DPY19L2: variants seen among roughly 807,000 people sequenced by gnomAD.
DPY19L2 encodes probable C-mannosyltransferase DPY19L2.
In DPY19L2, 34 loss-of-function variants were observed where a neutral mutation model predicts 97.9. The ratio of observed to expected loss-of-function variants is 0.35; its 90% CI spans 0.26 to 0.46. The LOEUF is 0.46. DPY19L2 is among the 20% of genes least tolerant of loss of function. The pLI, the probability that DPY19L2 is intolerant of heterozygous loss-of-function variation, is 1.00. For synonymous variants in DPY19L2, 230 were observed against 307.9 expected (o/e 0.75, Z 2.65); for missense variants, 623 against 911.4 (o/e 0.68, Z 4.07).
chr12:63,665,896 G>A lies in DPY19L2; in HGVS notation c.338-37C>T, dbSNP rs188077004. On this transcript the variant is annotated intron_variant, in intron 1 of 21. Coordinates refer to ENST00000324472, the MANE Select transcript of DPY19L2 (RefSeq NM_173812.5). ...AAAAAAAGGAAAGTCATTAATAGCT[G>A]CTTTATTATAAAATACCATTAAAAC... The A allele has an allele frequency of 6.0e-3, 9,179 of 1,533,380 alleles. 45 individuals carry two copies. The highest frequency in any genetic ancestry group is 7.2e-3 in the Non-Finnish European group (8,153 of 1,126,482). The allele number at this position is 1,533,380 out of a possible 1,614,324, so 95.0% of individuals were successfully genotyped here. A position where few individuals can be genotyped will look rare whatever the true frequency, so the allele number is the denominator to read the frequency against.
intron 4 of DPY19L2, among the ~76,000 whole-genome samples, chr12:63,658,023 G>C (rs1341565868): frequency 6.6e-6 from 1 of 152,102 alleles, no homozygotes; most frequent in Non-Finnish European, 1.5e-5. Context: ...TTCAAGAAAA[G>C]GTGTTATATT....
chr12:63,583,989 T>C lies in DPY19L2; in HGVS notation c.1581-153A>G, dbSNP rs182706632. 1.7e-5 allele frequency: 10 copies of C among 580,496 alleles called. No individual in the cohort carries two copies. The Admixed American group carries it at 2.3e-4, about 14-fold the overall frequency. The allele number at this position is 580,496 out of a possible 1,614,324, so 36.0% of individuals were successfully genotyped here. ...ACATAAAAATAAAAATATCAGATAA[T>C]AGTACAAAAATTACAACAATTTAAA... On this transcript the variant is annotated intron_variant, in intron 16 of 21. Transcript: ENST00000324472.
chr12:63,643,420 T>C (rs1892977133), intron 6 of DPY19L2, among the ~76,000 whole-genome samples: 1 of 152,160 alleles, frequency 6.6e-6, no homozygotes, highest in Non-Finnish European at 1.5e-5. Context: ...GAAAACTCAA[T>C]AAATATTTGT....
intron 12 of DPY19L2, among the ~76,000 whole-genome samples, chr12:63,602,205 A>G (rs1418232975): frequency 1.3e-5 from 2 of 152,094 alleles, no homozygotes; most frequent in Non-Finnish European, 2.9e-5. Context: ...TGGGGAAAAA[A>G]GCAGAAAGAA....
chr12:63,657,472 G>A (rs1407698241), intron 4 of DPY19L2, among the ~76,000 whole-genome samples: 6 of 152,146 alleles, frequency 3.9e-5, no homozygotes, highest in Non-Finnish European at 1.5e-5. Flanking sequence ...CTCAGTCTTA[G>A]ACAGGTACTG....
At chr12:63,588,742 TTTC>T (rs1285064594) in intron 16 of DPY19L2, among the ~76,000 whole-genome samples, 2 of 133,734 alleles carry the variant, frequency 1.5e-5, no homozygotes, top group Middle Eastern at 3.8e-3. Flanking sequence ...AAAAGGAAAC[TTTC>T]TTTTTTTTTT....
intron 15 of DPY19L2, among the ~76,000 whole-genome samples, chr12:63,594,464 A>AGAGTGTGTGTGTGTGTGT (rs1555189197): frequency 0.034 from 4,285 of 124,698 alleles, 230 homozygotes; most frequent in Middle Eastern, 0.055. Flanking sequence ...AGAGAGAGAT[A>AGAGTGTGTGTGTGTGTGT]GTGTGTGTGT....
chr12:63,589,828 A>G (rs1882570192), intron 16 of DPY19L2, among the ~76,000 whole-genome samples: 1 of 152,224 alleles, frequency 6.6e-6, no homozygotes, highest in East Asian at 1.9e-4. Context: ...TCTATGGAAA[A>G]AGCAAAAACA....
At chr12:63,617,464 G>A in intron 10 of DPY19L2, 74 bp from the exon 11 acceptor site, 2 of 967,658 alleles carry the variant, frequency 2.1e-6, no homozygotes, top group East Asian at 5.5e-5. Context: ...TAGGTATATA[G>A]CCATTTCTAA....
chr12:63,595,998 C>T lies in DPY19L2; in HGVS notation c.1501G>A (p.Val501Ile), dbSNP rs967857501. The part of the protein sequence containing the change: ...RYTKTLLLPV[V>I]MVITCFIFKK... Reference sequence around the variant, plus strand: ...AAGATAAAACATGTAATCACCATAACAACTGGAAGCAATAATGTCTTTGTG... The same window carrying T: ...AAGATAAAACATGTAATCACCATAATAACTGGAAGCAATAATGTCTTTGTG... The change falls in exon 15 of 22, where the codon GTT becomes ATT. Residue 501 changes from valine to isoleucine, a missense_variant. Around this residue, in one of 6 missense-constraint regions of DPY19L2, gnomAD observed 294 missense variants for 446.2 expected, o/e 0.66. Coordinates refer to ENST00000324472, the MANE Select transcript of DPY19L2 (RefSeq NM_173812.5). The T allele has an allele frequency of 8.1e-6, 13 of 1,599,120 alleles. No homozygotes were observed. The highest frequency in any genetic ancestry group is 1.1e-5 in the Non-Finnish European group (13 of 1,173,074).
chr12:63,588,452 A>G (rs1434301114), intron 16 of DPY19L2, among the ~76,000 whole-genome samples: 1 of 152,226 alleles, frequency 6.6e-6, no homozygotes, highest in African/African-American at 2.4e-5. Flanking sequence ...GAGATCGACT[A>G]TAGAATGTTA....
intron 4 of DPY19L2, among the ~76,000 whole-genome samples, chr12:63,651,317 A>C (rs1208211333): frequency 6.6e-6 from 1 of 152,136 alleles, no homozygotes; most frequent in Non-Finnish European, 1.5e-5. Flanking sequence ...GAAAACAGAA[A>C]ATATCATTCT....
chr12:63,615,793 T>A (rs1887725265), intron 11 of DPY19L2, among the ~76,000 whole-genome samples: 2 of 152,174 alleles, frequency 1.3e-5, no homozygotes, highest in South Asian at 4.1e-4. Flanking sequence ...TGGAGGCTTC[T>A]ACACTCATTT....
Position 63,595,863 on chromosome 12 carries a change from G to C in DPY19L2, c.1533+103C>G, listed in dbSNP as rs1027721801. 1.3e-5 allele frequency: 14 copies of C among 1,078,390 alleles called. No individual in the cohort carries two copies. The African/African-American group carries it at 1.6e-4, about 13-fold the overall frequency. The allele number at this position is 1,078,390 out of a possible 1,614,324, so 66.8% of individuals were successfully genotyped here. ...TAAATAAAAAGCAAACTTTTAGAGA[G>C]AGAAAGAGTTCATCCTAAAAATAAC... is the stretch of plus-strand genomic sequence containing the variant. On this transcript the variant is annotated intron_variant, in intron 15 of 21. Coordinates refer to ENST00000324472, the MANE Select transcript of DPY19L2 (RefSeq NM_173812.5).
At chr12:63,659,563 C>T (rs1228714623) in intron 4 of DPY19L2, among the ~76,000 whole-genome samples, 1 of 151,800 alleles carries the variant, frequency 6.6e-6, no homozygotes, top group Non-Finnish European at 1.5e-5. Context: ...GAACTATCTA[C>T]TTTCAAGATT....
chr12:63,638,802 C>G (rs1011092368), intron 6 of DPY19L2, among the ~76,000 whole-genome samples: 11 of 152,066 alleles, frequency 7.2e-5, no homozygotes, highest in Non-Finnish European at 1.3e-4. Flanking sequence ...AGATTCAATG[C>G]CATCCCCATC....
rs1893112710 is a variant in DPY19L2, at chr12:63,644,390, G to T, written c.803+13C>A. ...GCCCACTGAAAGGTCTCTTAATTCA[G>T]TAGTAGTCTTACCTCAGGTATGCTC... On this transcript the variant is annotated intron_variant, in intron 6 of 21. Transcript: ENST00000324472. The T allele has an allele frequency of 6.2e-7, 1 of 1,600,154 alleles. No individual in the cohort carries two copies. The highest frequency in any genetic ancestry group is 1.3e-5 in the African/African-American group (1 of 74,088).
Position 63,570,747 on chromosome 12 carries a change from C to T in DPY19L2, c.2000+11G>A. On this transcript the variant is annotated intron_variant, in intron 20 of 21. Coordinates refer to ENST00000324472, the MANE Select transcript of DPY19L2 (RefSeq NM_173812.5). ...AAGTGAGTCTTGAAGAAATACTCATCAGCTGCCAACCTCAAGTCTGCATCT... is the reference window on the plus strand; with the variant it reads ...AAGTGAGTCTTGAAGAAATACTCATTAGCTGCCAACCTCAAGTCTGCATCT... 6.2e-7 allele frequency: 1 copy of T among 1,605,856 alleles called. No homozygotes were observed. The highest frequency in any genetic ancestry group is 8.5e-7 in the Non-Finnish European group (1 of 1,176,342).
At chr12:63,625,357 A>T (rs1464786574) in intron 7 of DPY19L2, among the ~76,000 whole-genome samples, 1 of 151,854 alleles carries the variant, frequency 6.6e-6, no homozygotes, top group Non-Finnish European at 1.5e-5. Context: ...AGATCACGCC[A>T]CTGCACTCCA....
Sources: gnomAD v4.1 joint callset for allele counts (sites outside exome capture counted in the v4.1 genomes callset) on GRCh38, gnomAD v4.1.1 for gene constraint, gnomAD v4.1.1 regional missense constraint, MANE v1.5 for transcripts, NCBI Gene and HGNC (gene_info 2026-07-23, HGNC 2026-07-21) for gene names.